Variants in ARHGAP12 observed in about 807,000 individuals in gnomAD.
The protein encoded by ARHGAP12 is rho GTPase-activating protein 12.
In ARHGAP12, 64 loss-of-function variants were observed where a neutral mutation model predicts 108.6. That is an observed-to-expected ratio of 0.59 (90% CI 0.48 to 0.73). ARHGAP12 has a LOEUF of 0.73. ARHGAP12 is among the 30% of genes least tolerant of loss of function. The pLI is 0.00. For missense variants in ARHGAP12, 940 were observed against 1,005.9 expected (o/e 0.93, Z 0.89); for synonymous variants, 312 against 337.2 (o/e 0.93, Z 0.82).
chr10:31,829,653 T>C (rs543289852), intron 10 of ARHGAP12, among the ~76,000 whole-genome samples: 101 of 152,306 alleles, frequency 6.6e-4, no homozygotes, highest in African/African-American at 2.3e-3. Flanking sequence ...GCAAAGTTAG[T>C]GAACTAGTAT....
chr10:31,830,261 A>G (rs927394590), intron 10 of ARHGAP12, among the ~76,000 whole-genome samples: 1 of 152,152 alleles, frequency 6.6e-6, no homozygotes, highest in Non-Finnish European at 1.5e-5. Context: ...AAAGTTTAAG[A>G]ACCACTAATA....
intron 4 of ARHGAP12, among the ~76,000 whole-genome samples, chr10:31,857,419 G>A (rs1406491610): frequency 6.6e-6 from 1 of 152,110 alleles, no homozygotes; most frequent in Non-Finnish European, 1.5e-5. Context: ...TTGAAATACT[G>A]AAAATGAGGC....
Position 31,839,700 on chromosome 10 carries a change from A to G in ARHGAP12, c.1308T>C (p.Thr436=). ...VLDTNDKESP[T]ASKPCFPENE... is the part of the protein sequence containing the mutation. ...TTTCAGGAAAGCAGGGTTTTGAGGC[A>G]GTTGGAGATTCCTACAAGAAATAAG... The change falls in exon 8 of 20, where the codon ACT becomes ACC. Residue 436 remains threonine (T), a synonymous_variant. Coordinates refer to ENST00000344936, the MANE Select transcript of ARHGAP12 (RefSeq NM_018287.7). The G allele has an allele frequency of 6.2e-7, 1 of 1,605,976 alleles. No individual in the cohort carries two copies. Among genetic ancestry groups the G allele is most frequent in the Non-Finnish European group, 8.5e-7 (1 of 1,174,668 alleles).
chr10:31,897,522 G>T (rs1838750429), intron 3 of ARHGAP12, among the ~76,000 whole-genome samples: 1 of 152,000 alleles, frequency 6.6e-6, no homozygotes, highest in Admixed American at 6.5e-5. Context: ...AGTATCTAAG[G>T]AAAATCTTAG....
intron 11 of ARHGAP12, among the ~76,000 whole-genome samples, chr10:31,820,981 A>T (rs1835395563): frequency 6.6e-6 from 1 of 152,138 alleles, no homozygotes; most frequent in African/African-American, 2.4e-5. Context: ...AATGCTATGT[A>T]CACAAAGGCA....
chr10:31,895,431 G>C (rs570493642), intron 3 of ARHGAP12, among the ~76,000 whole-genome samples: 10 of 152,304 alleles, frequency 6.6e-5, no homozygotes, highest in African/African-American at 2.4e-4. Flanking sequence ...AGTGGGCAAA[G>C]GATATAAACA....
intron 1 of ARHGAP12, among the ~76,000 whole-genome samples, chr10:31,911,618 A>T (rs149767078): frequency 2.6e-4 from 39 of 152,238 alleles, no homozygotes; most frequent in African/African-American, 9.1e-4. Flanking sequence ...CCTACTTACT[A>T]ATCTTAAATA....
intron 6 of ARHGAP12, among the ~76,000 whole-genome samples, chr10:31,848,725 C>G (rs1049458125): frequency 5.9e-5 from 9 of 152,054 alleles, no homozygotes; most frequent in Non-Finnish European, 1.3e-4. Context: ...TGAAAGCCTT[C>G]ATTTAATTCT....
chr10:31,808,451 A>G, intron 19 of ARHGAP12, 198 bp downstream of exon 19: 1 of 487,112 alleles, frequency 2.1e-6, no homozygotes, highest in Non-Finnish European at 3.7e-6. Context: ...TATAATACCT[A>G]CTTTACTGTA....
At chr10:31,902,444 G>A (rs1285176916) in intron 3 of ARHGAP12, among the ~76,000 whole-genome samples, 1 of 152,026 alleles carries the variant, frequency 6.6e-6, no homozygotes, top group Non-Finnish European at 1.5e-5. Context: ...GGGAGGCTGA[G>A]GCAAGAGTAT....
chr10:31,920,449 C>G (rs1294760690), intron 1 of ARHGAP12, among the ~76,000 whole-genome samples: 1 of 59,614 alleles, frequency 1.7e-5, no homozygotes. Flanking sequence ...GACTCCGTCT[C>G]AAAAAAAAAA....
chr10:31,865,447 GA>G (rs1227112180), intron 3 of ARHGAP12, among the ~76,000 whole-genome samples: 15 of 152,142 alleles, frequency 9.9e-5, no homozygotes, highest in Middle Eastern at 3.4e-3. Flanking sequence ...TCAAGATGAA[GA>G]AAAGAATGGA....
At position 31,810,716 on chromosome 10, in the gene ARHGAP12, C is replaced by T; in HGVS notation, c.1983G>A (p.Leu661=). Residue 661 remains leucine, a synonymous_variant, in exon 16 of 20, where the codon CTG becomes CTA. Coordinates refer to ENST00000344936, the MANE Select transcript of ARHGAP12 (RefSeq NM_018287.7). ...GTACTGTGCCATTCTCTCTCTGACACAGATTAGCGAGATTGGATCCAAATA... is the reference window on the plus strand; with the variant it reads ...GTACTGTGCCATTCTCTCTCTGACATAGATTAGCGAGATTGGATCCAAATA... ...DQVFGSNLAN[L]CQRENGTVPK... 6.2e-7 allele frequency: 1 copy of T among 1,609,330 alleles called. No individual in the cohort carries two copies. Among genetic ancestry groups the T allele is most frequent in the Non-Finnish European group, 8.5e-7 (1 of 1,177,974 alleles).
chr10:31,895,259 T>C (rs993333567), intron 3 of ARHGAP12, among the ~76,000 whole-genome samples: 7 of 152,190 alleles, frequency 4.6e-5, no homozygotes, highest in Non-Finnish European at 1.0e-4. Context: ...GGGATCGAAT[T>C]AAACTAAAGA....
intron 3 of ARHGAP12, among the ~76,000 whole-genome samples, chr10:31,889,932 C>A (rs922890979): frequency 6.6e-6 from 1 of 151,872 alleles, no homozygotes. Flanking sequence ...GCAGAAAAAA[C>A]CATGGGATCT....
intron 9 of ARHGAP12, 116 bp from the exon 10 acceptor site, chr10:31,831,916 T>C (rs909736829): frequency 1.4e-5 from 7 of 518,306 alleles, no homozygotes; most frequent in Non-Finnish European, 2.4e-5. Flanking sequence ...AAGAAAAGAT[T>C]AGTCAATGTG....
intron 1 of ARHGAP12, among the ~76,000 whole-genome samples, chr10:31,911,086 C>A (rs1293617368): frequency 1.3e-5 from 2 of 152,058 alleles, no homozygotes; most frequent in Non-Finnish European, 2.9e-5. Flanking sequence ...TACAGTGGCA[C>A]GATCTTGGCT....
At chr10:31,833,207 G>A (rs1835896085) in intron 9 of ARHGAP12, among the ~76,000 whole-genome samples, 1 of 151,930 alleles carries the variant, frequency 6.6e-6, no homozygotes, top group Non-Finnish European at 1.5e-5. Flanking sequence ...CCATCATATG[G>A]GAACTAAGTA....
chr10:31,915,860 C>T (rs574503741), intron 1 of ARHGAP12, among the ~76,000 whole-genome samples: 422 of 152,152 alleles, frequency 2.8e-3, no homozygotes, highest in African/African-American at 9.6e-3. Flanking sequence ...TGGGGTAGCA[C>T]TAAAACTTTA....
Sources: allele counts gnomAD v4.1 joint callset (sites outside exome capture counted in the v4.1 genomes callset), GRCh38; gene constraint gnomAD v4.1.1; transcripts MANE v1.5; gene names NCBI Gene and HGNC (gene_info 2026-07-23, HGNC 2026-07-21).